SPTB: variants seen among roughly 807,000 people sequenced by gnomAD.
SPTB encodes the protein spectrin beta, erythrocytic, also known as spectrin beta chain, erythrocytic.
Under a neutral mutation model 256.2 loss-of-function variants are expected in SPTB, and 45 were observed. The observed-to-expected ratio is 0.18, with a 90% CI of 0.14 to 0.23. The LOEUF is 0.23. Ranked by LOEUF, SPTB falls within the 10% of genes least tolerant of loss-of-function variation. The pLI is 1.00. For missense variants in SPTB, 2,715 were observed against 3,040.4 expected (o/e 0.89, Z 2.52); for synonymous variants, 1,231 against 1,243.1 (o/e 0.99, Z 0.21).
intron 1 of SPTB, among the ~76,000 whole-genome samples, chr14:64,862,627 A>T (rs142461562): frequency 2.0e-5 from 3 of 152,122 alleles, no homozygotes; most frequent in African/African-American, 7.2e-5. Flanking sequence ...TAATCCCAGC[A>T]CTTTGGGAGG....
At chr14:64,846,408 C>A (rs921907748) in intron 1 of SPTB, among the ~76,000 whole-genome samples, 4 of 152,156 alleles carry the variant, frequency 2.6e-5, no homozygotes, top group African/African-American at 7.2e-5. Flanking sequence ...GCTAAAGGGG[C>A]CAAGACAGCA....
Position 64,859,363 on chromosome 14 carries a change from T to C in SPTB, c.-52+20429A>G, listed in dbSNP as rs923671060. ...AATGAGGTAAGTCTATAGGTATGCATATGCGGAAAGATGATCTTTATATAT... is the reference window on the plus strand; with the variant it reads ...AATGAGGTAAGTCTATAGGTATGCACATGCGGAAAGATGATCTTTATATAT... On this transcript the variant is annotated intron_variant, in intron 1 of 35. Transcript: ENST00000644917. 3.3e-5 allele frequency among the ~76,000 whole-genome samples: 5 copies of C among 152,252 alleles called. No homozygotes were observed. In the East Asian group the frequency reaches 9.6e-4, roughly 29 times the overall value.
At position 64,793,093 on chromosome 14, in the gene SPTB, G is replaced by C. The variant is rs1328144787; in HGVS notation, c.2570C>G (p.Thr857Arg). Residue 857 changes from threonine to arginine, a missense_variant, in exon 14 of 36, where the codon ACA (threonine) becomes AGA (arginine). Thr to Arg is a moderately conservative substitution (Grantham distance 71, BLOSUM62 -1). This residue lies in a region of SPTB where 2,239 missense variants were observed against 2,384.4 expected (regional missense o/e 0.94). Transcript: ENST00000644917. This position sits in a 1 kb window ranked among gnomAD's most constrained non-coding sequence, Gnocchi z 7.0. ...TCCCATCCACAGCTCACAGGCGTCT[G>C]TCTCCCCGAACACCGTGTACAGGTC... ...ALDLYTVFGE[T>R]DACELWMGEK... 1 of 1,614,114 alleles carries C rather than the reference G, an allele frequency of 6.2e-7. No individual in the cohort carries two copies. The highest frequency in any genetic ancestry group is 1.7e-5 in the Admixed American group (1 of 60,028).
Position 64,771,043 on chromosome 14 carries a change from C to T in SPTB, c.5640G>A (p.Glu1880=), listed in dbSNP as rs2082272072. The part of the protein sequence containing the change: ...KAEAIQNKEQ[E]VSAAWQALLD... ...GCAGCGCCTGCCACGCGGCAGACACCTCCTGCTCCTTGTTCTGGATGGCCT... is the reference window on the plus strand; with the variant it reads ...GCAGCGCCTGCCACGCGGCAGACACTTCCTGCTCCTTGTTCTGGATGGCCT... The change falls in exon 27 of 36, where the codon GAG becomes GAA. Residue 1880 remains glutamate, a synonymous_variant. Coordinates refer to ENST00000644917, the MANE Select transcript of SPTB (RefSeq NM_001355436.2). 1 of 1,614,204 alleles carries T rather than the reference C, an allele frequency of 6.2e-7. No homozygotes were observed. The highest frequency in any genetic ancestry group is 8.5e-7 in the Non-Finnish European group (1 of 1,180,046).
At position 64,807,604 on chromosome 14, in the gene SPTB, A is replaced by G. The variant is rs1335982897; in HGVS notation, c.149-2514T>C. On this transcript the variant is annotated intron_variant, in intron 2 of 35. Transcript: ENST00000644917. The surrounding 1 kb of genome is among the most constrained non-coding windows in gnomAD (Gnocchi z 4.7). Reference sequence around the variant, plus strand: ...AGACACAGAAAGATTTCGAGAGGCTAATGATGATTGGAAGGGGAGAAAAGG... The same window carrying G: ...AGACACAGAAAGATTTCGAGAGGCTGATGATGATTGGAAGGGGAGAAAAGG... Among the ~76,000 whole-genome samples, 1 of 152,198 alleles carries G rather than the reference A, an allele frequency of 6.6e-6. No individual in the cohort carries two copies. The highest frequency in any genetic ancestry group is 1.5e-5 in the Non-Finnish European group (1 of 68,030).
In SPTB at chr14:64,773,205, G is replaced by C. The variant is rs765403767; in HGVS notation, c.5178+15C>G. On this transcript the variant is annotated intron_variant, in intron 25 of 35. Coordinates refer to ENST00000644917, the MANE Select transcript of SPTB (RefSeq NM_001355436.2). ...TTAGAGAAAGACAAAAACAGCAGGA[G>C]TTGTGGCTACTCACAGTCACGTGGT... The C allele has an allele frequency of 6.2e-7, 1 of 1,614,090 alleles. No individual in the cohort carries two copies. Among genetic ancestry groups the C allele is most frequent in the South Asian group, 1.1e-5 (1 of 91,080 alleles).
rs1168891781 is a variant in SPTB, at chr14:64,807,392, G to A, written c.149-2302C>T. ...CCACTGGGCTGGTGCATTTATTGGT[G>A]CAGAAATATCAGAAAGCACCCTTAG... On this transcript the variant is annotated intron_variant, in intron 2 of 35. Coordinates refer to ENST00000644917, the MANE Select transcript of SPTB (RefSeq NM_001355436.2). The surrounding 1 kb of genome is among the most constrained non-coding windows in gnomAD (Gnocchi z 4.7). 1.3e-5 allele frequency among the ~76,000 whole-genome samples: 2 copies of A among 152,196 alleles called. No individual in the cohort carries two copies. The highest frequency in any genetic ancestry group is 1.9e-4 in the East Asian group (1 of 5,192).
At chr14:64,791,354 G>A (rs1023101456) in intron 15 of SPTB, among the ~76,000 whole-genome samples, 31 of 151,952 alleles carry the variant, frequency 2.0e-4, no homozygotes, top group African/African-American at 6.3e-4. Flanking sequence ...GATCGCTTGA[G>A]GCCAGGAATG....
chr14:64,871,770 T>G (rs1384155851), intron 1 of SPTB, among the ~76,000 whole-genome samples: 1 of 152,242 alleles, frequency 6.6e-6, no homozygotes, highest in Non-Finnish European at 1.5e-5. Context: ...TACTCTTCAT[T>G]GTATACCCTT....
rs1037809635 is a variant in SPTB, at chr14:64,845,724, G to T, written c.-51-22579C>A. Among the ~76,000 whole-genome samples the T allele has an allele frequency of 2.0e-5, 3 of 152,212 alleles. No individual in the cohort carries two copies. The highest frequency in any genetic ancestry group is 2.9e-5 in the Non-Finnish European group (2 of 68,026). On this transcript the variant is annotated intron_variant, in intron 1 of 35. Coordinates refer to ENST00000644917, the MANE Select transcript of SPTB (RefSeq NM_001355436.2). The surrounding 1 kb of genome is among the most constrained non-coding windows in gnomAD (Gnocchi z 4.8). Reference sequence around the variant, plus strand: ...TTTTAGGGATTAGAAGTTTCCCTGTGTGTTTCCCCAACTTTGTGAAATGAG... The same window carrying T: ...TTTTAGGGATTAGAAGTTTCCCTGTTTGTTTCCCCAACTTTGTGAAATGAG...
Position 64,825,035 on chromosome 14 carries a change from T to C in SPTB, c.-51-1890A>G, listed in dbSNP as rs2083355413. On this transcript the variant is annotated intron_variant, in intron 1 of 35. Coordinates refer to ENST00000644917, the MANE Select transcript of SPTB (RefSeq NM_001355436.2). The surrounding 1 kb of genome is among the most constrained non-coding windows in gnomAD (Gnocchi z 4.8). ...AAACTGGAGCGCAGTTTATCCCCCT[T>C]GACCAGACGGGTTTCAGGAGGGCAG... Among the ~76,000 whole-genome samples the C allele has an allele frequency of 6.6e-6, 1 of 151,992 alleles. No individual in the cohort carries two copies. Among genetic ancestry groups the C allele is most frequent in the East Asian group, 1.9e-4 (1 of 5,178 alleles).
chr14:64,786,386 C>A lies in SPTB; in HGVS notation c.3561+18G>T, dbSNP rs927992619. ...GCCCTGAGAGACCCGCCTGTCCCAG[C>A]CCTGAATGCCTCTCTACCTGGTTGC... On this transcript the variant is annotated intron_variant, in intron 16 of 35. Coordinates refer to ENST00000644917, the MANE Select transcript of SPTB (RefSeq NM_001355436.2). This position sits in a 1 kb window ranked among gnomAD's most constrained non-coding sequence, Gnocchi z 5.6. 6.2e-7 allele frequency: 1 copy of A among 1,613,896 alleles called. No individual in the cohort carries two copies. The highest frequency in any genetic ancestry group is 8.5e-7 in the Non-Finnish European group (1 of 1,180,036).
chr14:64,792,961 T>C lies in SPTB; in HGVS notation c.2666+36A>G. ...GTGGGAGATGGTGCCCAGGCCTGGG[T>C]ACAGGGACGTGAGGAAAAGATGAGT... is the stretch of plus-strand genomic sequence containing the variant. On this transcript the variant is annotated intron_variant, in intron 14 of 35. Coordinates refer to ENST00000644917, the MANE Select transcript of SPTB (RefSeq NM_001355436.2). The surrounding 1 kb of genome is among the most constrained non-coding windows in gnomAD (Gnocchi z 4.2). 1.9e-6 allele frequency: 3 copies of C among 1,613,450 alleles called. No individual in the cohort carries two copies. Among genetic ancestry groups the C allele is most frequent in the Non-Finnish European group, 2.5e-6 (3 of 1,179,956 alleles).
chr14:64,775,409 G>A lies in SPTB; in HGVS notation c.4564-6C>T. On this transcript the variant is annotated splice_region_variant and splice_polypyrimidine_tract_variant and intron_variant, in intron 22 of 35. Transcript: ENST00000644917. The surrounding 1 kb of genome is among the most constrained non-coding windows in gnomAD (Gnocchi z 5.0). ...AGAATCTCATTCTGCAGTGTCTGCGGCCAGAAGGAAGGGCTCGGGGCAGGG... is the reference window on the plus strand; with the variant it reads ...AGAATCTCATTCTGCAGTGTCTGCGACCAGAAGGAAGGGCTCGGGGCAGGG... 1 of 1,610,202 alleles carries A rather than the reference G, an allele frequency of 6.2e-7. No individual in the cohort carries two copies. The highest frequency in any genetic ancestry group is 1.1e-5 in the South Asian group (1 of 90,888).
At chr14:64,788,157 A>G (rs1427823376) in intron 15 of SPTB, among the ~76,000 whole-genome samples, 1 of 152,178 alleles carries the variant, frequency 6.6e-6, no homozygotes, top group Admixed American at 6.5e-5. Flanking sequence ...GGAAGGAGCA[A>G]TGGGGTGACA....
At position 64,769,630 on chromosome 14, in the gene SPTB, C is replaced by A. The variant is rs779077726; in HGVS notation, c.5897G>T (p.Gly1966Val). 3 of 1,614,124 alleles carry A rather than the reference C, an allele frequency of 1.9e-6. No individual in the cohort carries two copies. Among genetic ancestry groups the A allele is most frequent in the Non-Finnish European group, 1.7e-6 (2 of 1,180,048 alleles). ...GTGCTGCCGCTGCAGCAGGGACTCG[C>A]CAAGCTCCAGGCAGGCACTGAAGTT... ...SKNFSACLELGESLLQRQHQA... is the reference protein window; with the variant it reads ...SKNFSACLELVESLLQRQHQA... The change falls in exon 28 of 36, where the codon GGC (glycine) becomes GTC (valine). Residue 1966 changes from glycine to valine, a missense_variant. By Grantham distance (109) the Gly-to-Val change is moderately radical. Around this residue, in one of 4 missense-constraint regions of SPTB, gnomAD observed 2,239 missense variants for 2,384.4 expected, o/e 0.94. Coordinates refer to ENST00000644917, the MANE Select transcript of SPTB (RefSeq NM_001355436.2).
intron 18 of SPTB, 108 bp from the exon 19 acceptor site, chr14:64,784,501 G>A (rs979686105): frequency 1.5e-5 from 22 of 1,439,708 alleles, no homozygotes; most frequent in Non-Finnish European, 1.9e-5. Context: ...GGGAGGAAGT[G>A]CAAGCACAGA....
In SPTB at chr14:64,779,758, C is replaced by T; in HGVS notation, c.4440G>A (p.Lys1480=). The change falls in exon 21 of 36, where the codon AAG becomes AAA. Residue 1480 remains lysine, a synonymous_variant. Coordinates refer to ENST00000644917, the MANE Select transcript of SPTB (RefSeq NM_001355436.2). The surrounding 1 kb of genome is among the most constrained non-coding windows in gnomAD (Gnocchi z 4.2). The part of the protein sequence containing the change: ...RKKQLESSRA[K]LQISRDLEDE... ...CCTCTAAGTCCCGGCTGATCTGCAG[C>T]TTGGCTCTGGATGATTCCAGCTGCT... 6.2e-7 allele frequency: 1 copy of T among 1,614,158 alleles called. No homozygotes were observed. Among genetic ancestry groups the T allele is most frequent in the Non-Finnish European group, 8.5e-7 (1 of 1,180,022 alleles).
chr14:64,847,933 T>C lies in SPTB; in HGVS notation c.-51-24788A>G, dbSNP rs929956231. Among the ~76,000 whole-genome samples, 2 of 152,186 alleles carry C rather than the reference T, an allele frequency of 1.3e-5. No homozygotes were observed. Among genetic ancestry groups the C allele is most frequent in the Non-Finnish European group, 2.9e-5 (2 of 68,026 alleles). On this transcript the variant is annotated intron_variant, in intron 1 of 35. Coordinates refer to ENST00000644917, the MANE Select transcript of SPTB (RefSeq NM_001355436.2). This position sits in a 1 kb window ranked among gnomAD's most constrained non-coding sequence, Gnocchi z 5.9. ...CACTGTCCGTGGCCAGGTGATCGCA[T>C]GCATCCTTCACCTGTGAATGCCTTC...
Sources: allele counts gnomAD v4.1 joint callset (sites outside exome capture counted in the v4.1 genomes callset), GRCh38; gene constraint gnomAD v4.1.1; regional missense constraint gnomAD v4.1.1; non-coding constraint Gnocchi (gnomAD v3.1); transcripts MANE v1.5; gene names NCBI Gene and HGNC (gene_info 2026-07-23, HGNC 2026-07-21).